The following SLC24A3 variants were observed in gnomAD, a reference collection of about 807,000 sequenced individuals.
SLC24A3 encodes the protein sodium/potassium/calcium exchanger 3.
In SLC24A3, 28 loss-of-function variants were observed where a neutral mutation model predicts 75.8. The ratio of observed to expected loss-of-function variants is 0.37; its 90% CI spans 0.27 to 0.51. The LOEUF (loss-of-function observed/expected upper bound fraction) is 0.51. Among genes scored for constraint, SLC24A3 ranks in the 20% least tolerant of loss-of-function variants. SLC24A3 has a pLI of 0.94. For synonymous variants in SLC24A3, 372 were observed against 334.1 expected, an observed-to-expected ratio of 1.11 and a Z score of -1.24; for missense variants, 663 against 847.8, an observed-to-expected ratio of 0.78 and a Z score of 2.71.
intron 7 of SLC24A3, 72 bp from the exon 8 acceptor site, chr20:19,665,792 C>CGTGTGT (rs58371474): frequency 0.023 from 27,419 of 1,197,844 alleles, 502 homozygotes; most frequent in African/African-American, 0.13. Context: ...AGCCTTAAAG[C>CGTGTGT]GTGTGTGTGT....
chr20:19,216,601 CCTGTCTCAAAAACAGA>C (rs1260057241), intron 1 of SLC24A3, among the ~76,000 whole-genome samples: 1 of 151,582 alleles, frequency 6.6e-6, no homozygotes, highest in African/African-American at 2.4e-5. Flanking sequence ...AGAGTGAGAC[CCTGTCTCAAAAACAGA>C]AAAAAAGGAA....
intron 2 of SLC24A3, among the ~76,000 whole-genome samples, chr20:19,419,831 T>TA (rs1329695157): frequency 6.6e-6 from 1 of 151,534 alleles, no homozygotes; most frequent in Non-Finnish European, 1.5e-5. Context: ...AGTTTTTTTT[T>TA]TTTTTTTTTA....
chr20:19,684,297 G>A lies in SLC24A3; in HGVS notation c.1023G>A (p.Lys341=). Residue 341 remains lysine (K), a synonymous_variant, in exon 11 of 17, where the codon AAG becomes AAA. Transcript: ENST00000328041. ...TGATAACCAGCCACTTTCCCCCCAA[G>A]ACCCGGCTCTCCATGGCCAGTCGCA... ...RIMITSHFPP[K]TRLSMASRML... is the part of the protein sequence containing the mutation. The A allele has an allele frequency of 6.2e-7, 1 of 1,614,062 alleles. No individual in the cohort carries two copies. The highest frequency in any genetic ancestry group is 1.6e-4 in the Middle Eastern group (1 of 6,062).
intron 2 of SLC24A3, among the ~76,000 whole-genome samples, chr20:19,403,609 C>T (rs777360754): frequency 2.6e-5 from 4 of 152,122 alleles, no homozygotes; most frequent in Non-Finnish European, 5.9e-5. Flanking sequence ...GAACAAATAA[C>T]GGGGCCTCAG....
intron 2 of SLC24A3, among the ~76,000 whole-genome samples, chr20:19,368,402 C>A (rs1985935105): frequency 6.6e-6 from 1 of 152,218 alleles, no homozygotes; most frequent in Non-Finnish European, 1.5e-5. Context: ...CCATTTTACT[C>A]CCCTTGATGG....
chr20:19,532,239 G>A (rs950995963), intron 3 of SLC24A3, among the ~76,000 whole-genome samples: 15 of 152,348 alleles, frequency 9.8e-5, no homozygotes, highest in Non-Finnish European at 2.1e-4. Flanking sequence ...CTATGGCTCT[G>A]CCCTCAGGGC....
In SLC24A3 at chr20:19,212,732, G is replaced by C. The variant is rs1981435946; in HGVS notation, c.-111G>C. 2.3e-6 allele frequency: 2 copies of C among 862,876 alleles called. No homozygotes were observed. Among genetic ancestry groups the C allele is most frequent in the African/African-American group, 3.7e-5 (2 of 54,322 alleles). The allele number at this position is 862,876 out of a possible 1,614,324, so 53.5% of individuals were successfully genotyped here. A position where few individuals can be genotyped will look rare whatever the true frequency, so the allele number is the denominator to read the frequency against. On this transcript the variant is annotated 5_prime_UTR_variant, in exon 1 of 17. Transcript: ENST00000328041. ...GGCGGCGGCCGGGTGGGAGCGCAGCGAGGACGCGCGGCTGCTGCGCGCAGG... is the reference window on the plus strand; with the variant it reads ...GGCGGCGGCCGGGTGGGAGCGCAGCCAGGACGCGCGGCTGCTGCGCGCAGG...
At chr20:19,347,448 T>C (rs958835140) in intron 2 of SLC24A3, among the ~76,000 whole-genome samples, 13 of 149,342 alleles carry the variant, frequency 8.7e-5, no homozygotes, top group African/African-American at 3.1e-4. Context: ...AAGATGTTAG[T>C]AATAGGGGAA....
chr20:19,711,658 T>C (rs7343823), intron 15 of SLC24A3, among the ~76,000 whole-genome samples: 103,946 of 151,454 alleles, frequency 0.69, 36,073 homozygotes, highest in East Asian at 0.94. Context: ...TTTTTTTTTT[T>C]CGACAAGAGT....
intron 3 of SLC24A3, among the ~76,000 whole-genome samples, chr20:19,572,060 G>T (rs1393849926): frequency 6.6e-6 from 1 of 152,196 alleles, no homozygotes. Flanking sequence ...ACCTGAGCCA[G>T]GTGCAGTGGC....
intron 3 of SLC24A3, among the ~76,000 whole-genome samples, chr20:19,560,975 A>G (rs2030866462): frequency 6.6e-6 from 1 of 152,158 alleles, no homozygotes; most frequent in African/African-American, 2.4e-5. Flanking sequence ...TTGTCTCACA[A>G]ACTGATAGGC....
chr20:19,411,463 G>A (rs533042635), intron 2 of SLC24A3, among the ~76,000 whole-genome samples: 2 of 152,272 alleles, frequency 1.3e-5, no homozygotes, highest in South Asian at 2.1e-4. Flanking sequence ...CTTGGACATC[G>A]CCGAGCAGAT....
At chr20:19,697,839 G>A (rs2032828104) in intron 14 of SLC24A3, among the ~76,000 whole-genome samples, 1 of 152,160 alleles carries the variant, frequency 6.6e-6, no homozygotes, top group Admixed American at 6.5e-5. Flanking sequence ...TTTCTAGAAT[G>A]GTTGAGTTTA....
chr20:19,567,092 C>A (rs1167155144), intron 3 of SLC24A3, among the ~76,000 whole-genome samples: 1 of 152,188 alleles, frequency 6.6e-6, no homozygotes, highest in Non-Finnish European at 1.5e-5. Flanking sequence ...CTGTGGAAAG[C>A]CATTTGGAGG....
intron 2 of SLC24A3, among the ~76,000 whole-genome samples, chr20:19,474,870 T>A (rs1194587575): frequency 2.0e-5 from 3 of 152,198 alleles, no homozygotes; most frequent in Admixed American, 6.5e-5. Flanking sequence ...CATTGCCCTA[T>A]CCATTTCTCA....
At chr20:19,556,109 T>G (rs1176805148) in intron 3 of SLC24A3, among the ~76,000 whole-genome samples, 1 of 151,966 alleles carries the variant, frequency 6.6e-6, no homozygotes, top group Non-Finnish European at 1.5e-5. Context: ...AGGATATTGA[T>G]CCCATTCATG....
intron 8 of SLC24A3, among the ~76,000 whole-genome samples, chr20:19,671,898 A>G (rs2032472071): frequency 6.6e-6 from 1 of 151,954 alleles, no homozygotes; most frequent in Non-Finnish European, 1.5e-5. Flanking sequence ...GAGAGGATGA[A>G]CTGAAGGAGT....
chr20:19,317,341 C>T (rs139000050), intron 2 of SLC24A3, among the ~76,000 whole-genome samples: 8 of 152,314 alleles, frequency 5.3e-5, no homozygotes, highest in South Asian at 2.1e-4. Context: ...AGTGAGCTAC[C>T]GGTGACTGGG....
chr20:19,388,498 T>A (rs981271983), intron 2 of SLC24A3, among the ~76,000 whole-genome samples: 5 of 152,156 alleles, frequency 3.3e-5, no homozygotes, highest in Non-Finnish European at 5.9e-5. Context: ...GATCACCGGG[T>A]CAGGAGATGA....
Sources: gnomAD v4.1 joint callset for allele counts (sites outside exome capture counted in the v4.1 genomes callset) on GRCh38, gnomAD v4.1.1 for gene constraint, MANE v1.5 for transcripts, NCBI Gene and HGNC (gene_info 2026-07-23, HGNC 2026-07-21) for gene names.